The following XIRP2 variants were observed in gnomAD, a reference collection of about 807,000 sequenced individuals.
XIRP2 encodes xin actin-binding repeat-containing protein 2.
XIRP2 carries 236 observed loss-of-function variants against 277.0 expected under a neutral mutation model. The observed-to-expected ratio is 0.85, with a 90% CI of 0.77 to 0.95. The LOEUF (loss-of-function observed/expected upper bound fraction) is 0.95. XIRP2 is among the 40% of genes least tolerant of loss of function. The probability of loss-of-function intolerance (pLI) is 0.00; values close to 1 mark genes in which losing one functional copy is unlikely to be tolerated. For missense variants in XIRP2, 4,640 were observed against 4,157.5 expected (o/e 1.12, Z -3.19); for synonymous variants, 1,490 against 1,416.5 (o/e 1.05, Z -1.17).
At chr2:166,942,640 A>G (rs927059311) in intron 2 of XIRP2, among the ~76,000 whole-genome samples, 1 of 152,242 alleles carries the variant, frequency 6.6e-6, no homozygotes, top group South Asian at 2.1e-4. Context: ...TCCATATTTC[A>G]TAAGTTTGTA....
chr2:167,242,611 G>A lies in XIRP2; in HGVS notation c.1219G>A (p.Val407Met). ...YEETFKPSSV[V>M]STSSTSCVST... ...AGAGACTTTCAAGCCATCATCAGTT[G>A]TGAGTACCTCTTCCACTTCTTGCGT... Residue 407 changes from valine (V) to methionine (M), a missense_variant, in exon 9 of 11, where the codon GTG becomes ATG. Val to Met is a conservative substitution (Grantham distance 21). Transcript: ENST00000409195. 6.2e-7 allele frequency: 1 copy of A among 1,613,946 alleles called. No homozygotes were observed. Among genetic ancestry groups the A allele is most frequent in the Non-Finnish European group, 8.5e-7 (1 of 1,179,916 alleles).
At chr2:167,127,573 A>G (rs961955213) in intron 2 of XIRP2, among the ~76,000 whole-genome samples, 1 of 152,164 alleles carries the variant, frequency 6.6e-6, no homozygotes, top group Non-Finnish European at 1.5e-5. Flanking sequence ...TTCTAATTCA[A>G]TAATAATTGA....
intron 1 of XIRP2, among the ~76,000 whole-genome samples, chr2:166,892,000 G>A (rs1684117729): frequency 6.6e-6 from 1 of 152,134 alleles, no homozygotes; most frequent in Admixed American, 6.6e-5. Flanking sequence ...TGCCGATGCT[G>A]ATATGCCTCA....
intron 2 of XIRP2, among the ~76,000 whole-genome samples, chr2:166,960,031 G>A (rs1457259649): frequency 6.6e-6 from 1 of 151,574 alleles, no homozygotes; most frequent in Non-Finnish European, 1.5e-5. Context: ...TTGTCACATG[G>A]GCTGTAATTT....
intron 3 of XIRP2, among the ~76,000 whole-genome samples, chr2:167,196,996 T>A (rs1693539479): frequency 6.6e-6 from 1 of 152,212 alleles, no homozygotes; most frequent in Non-Finnish European, 1.5e-5. Context: ...CATTGCTTTG[T>A]GCAGCTATAT....
chr2:167,152,082 A>G (rs973562808), intron 3 of XIRP2, among the ~76,000 whole-genome samples: 1 of 152,094 alleles, frequency 6.6e-6, no homozygotes, highest in Non-Finnish European at 1.5e-5. Context: ...AAATGTCCCA[A>G]CTGTGTACTT....
intron 3 of XIRP2, among the ~76,000 whole-genome samples, chr2:167,152,310 G>A (rs1331162659): frequency 6.6e-6 from 1 of 151,980 alleles, no homozygotes; most frequent in Non-Finnish European, 1.5e-5. Flanking sequence ...GGGACACAGA[G>A]AGGAATCTAG....
intron 1 of XIRP2, among the ~76,000 whole-genome samples, chr2:166,900,064 G>T (rs1342532464): frequency 6.6e-6 from 1 of 151,764 alleles, no homozygotes; most frequent in African/African-American, 2.4e-5. Flanking sequence ...GAATTTTTTG[G>T]ACTATTTTTT....
chr2:167,187,614 C>T (rs1484137468), intron 3 of XIRP2: 5 of 883,554 alleles, frequency 5.7e-6, no homozygotes, highest in Non-Finnish European at 6.8e-6. Flanking sequence ...TCAATGAAGA[C>T]CATAGGTCAA....
intron 2 of XIRP2, among the ~76,000 whole-genome samples, chr2:166,939,572 CG>C (rs1173586517): frequency 5.4e-5 from 8 of 148,164 alleles, no homozygotes; most frequent in Admixed American, 2.1e-4. Context: ...CCCAGCTACT[CG>C]GGAGGCTGGG....
intron 2 of XIRP2, among the ~76,000 whole-genome samples, chr2:167,083,411 T>A (rs9711884): frequency 5.3e-5 from 8 of 152,162 alleles, no homozygotes; most frequent in Non-Finnish European, 8.8e-5. Context: ...TGCTTAGGAT[T>A]GCCTTGGCGA....
intron 2 of XIRP2, among the ~76,000 whole-genome samples, chr2:167,086,429 G>A (rs1319619722): frequency 2.0e-5 from 3 of 151,940 alleles, no homozygotes; most frequent in Non-Finnish European, 2.9e-5. Context: ...TCTTGGAGTT[G>A]CTCTTCTCAA....
At position 167,246,676 on chromosome 2, in the gene XIRP2, C is replaced by T; in HGVS notation, c.5284C>T (p.His1762Tyr). 6.2e-7 allele frequency: 1 copy of T among 1,613,650 alleles called. No individual in the cohort carries two copies. The highest frequency in any genetic ancestry group is 1.1e-5 in the South Asian group (1 of 91,054). ...AGALDYLKQL[H>Y]TESNETLTAK... ...AGCTTTGGATTATCTGAAACAACTC[C>T]ACACAGAGTCAAATGAAACACTGAC... Residue 1762 changes from histidine (H) to tyrosine (Y), a missense_variant, in exon 9 of 11, where the codon CAC (histidine) becomes TAC (tyrosine). Transcript: ENST00000409195.
At chr2:167,209,069 ATGACAGGTGAATTTCAAAGATAGC>A (rs1693944344) in intron 3 of XIRP2, among the ~76,000 whole-genome samples, 1 of 152,174 alleles carries the variant, frequency 6.6e-6, no homozygotes, top group Non-Finnish European at 1.5e-5. Context: ...GAGGTTTTGG[ATGACAGGTGAATTTCAAAGATAGC>A]TGGCATTTGT....
chr2:166,944,919 T>C (rs567287347), intron 2 of XIRP2, among the ~76,000 whole-genome samples: 1 of 138,930 alleles, frequency 7.2e-6, no homozygotes, highest in East Asian at 2.0e-4. Context: ...GTGATTCAAA[T>C]GCTGCTGGTT....
At chr2:167,148,297 G>T (rs974810879) in intron 3 of XIRP2, among the ~76,000 whole-genome samples, 2 of 151,480 alleles carry the variant, frequency 1.3e-5, no homozygotes, top group African/African-American at 4.9e-5. Context: ...CAGGAGAATC[G>T]CTTGAACTCG....
At chr2:166,955,143 C>T (rs1197434805) in intron 2 of XIRP2, among the ~76,000 whole-genome samples, 7 of 151,428 alleles carry the variant, frequency 4.6e-5, no homozygotes, top group Admixed American at 4.6e-4. Context: ...TCATAAGAGA[C>T]AAAAATGGGA....
Position 167,241,863 on chromosome 2 carries a change from A to T in XIRP2, c.1129A>T (p.Ile377Phe), listed in dbSNP as rs555518432. The T allele has an allele frequency of 9.9e-6, 16 of 1,613,718 alleles. No homozygotes were observed. In the Admixed American group the frequency reaches 1.0e-4, roughly 10 times the overall value. The part of the protein sequence containing the change: ...EQFEKSAQEK[I>F]LYSDKEMTTP... ...GTTTGAAAAGTCTGCCCAGGAAAAG[A>T]TCCTTTATTCTGACAAAGAGATGAC... The change falls in exon 8 of 11, where the codon ATC becomes TTC. Residue 377 changes from isoleucine to phenylalanine, a missense_variant. Physicochemically the swap from Ile to Phe is conservative, Grantham distance 21. Coordinates refer to ENST00000409195, the MANE Select transcript of XIRP2 (RefSeq NM_152381.6).
chr2:167,221,414 G>T (rs892514500), intron 5 of XIRP2, among the ~76,000 whole-genome samples: 4 of 146,448 alleles, frequency 2.7e-5, no homozygotes, highest in Non-Finnish European at 6.0e-5. Context: ...GAGCCGAGAT[G>T]GTGCCATTGC....
Sources: gnomAD v4.1 joint callset for allele counts (sites outside exome capture counted in the v4.1 genomes callset) on GRCh38, gnomAD v4.1.1 for gene constraint, MANE v1.5 for transcripts, NCBI Gene and HGNC (gene_info 2026-07-23, HGNC 2026-07-21) for gene names.